The following DCBLD2 variants were observed in gnomAD, a reference collection of about 807,000 sequenced individuals.
DCBLD2 encodes discoidin, CUB and LCCL domain containing 2.
DCBLD2 carries 54 observed loss-of-function variants against 86.8 expected under a neutral mutation model. The observed-to-expected ratio is 0.62, with a 90% CI of 0.50 to 0.78. The LOEUF (loss-of-function observed/expected upper bound fraction) is 0.78, where lower values mean the gene tolerates loss of function less well. Among genes scored for constraint, DCBLD2 ranks in the 30% least tolerant of loss-of-function variants. The pLI is 0.00. For synonymous variants in DCBLD2, 354 were observed against 341.3 expected (o/e 1.04, Z -0.41); for missense variants, 908 against 954.2 (o/e 0.95, Z 0.64).
At position 98,886,805 on chromosome 3, in the gene DCBLD2, C is replaced by CAA. The variant is rs1455372101; in HGVS notation, c.206-5039_206-5038insTT. On this transcript the variant is annotated intron_variant, in intron 1 of 15. Coordinates refer to ENST00000326840, the MANE Select transcript of DCBLD2 (RefSeq NM_080927.4). Reference sequence around the variant, plus strand: ...TTTGATATTATTACAGGAAAACCCCCCCCCTTTTTTTTTTTTTTTTACTAC... The same window carrying CAA: ...TTTGATATTATTACAGGAAAACCCCCAACCCCTTTTTTTTTTTTTTTTACTAC... 5.8e-5 allele frequency among the ~76,000 whole-genome samples: 8 copies of CAA among 137,920 alleles called. 1 individual carries two copies. The highest frequency in any genetic ancestry group is 5.4e-5 in the African/African-American group (2 of 37,228). The allele number at this position is 137,920 out of a possible 152,430, so 90.5% of individuals were successfully genotyped here.
chr3:98,831,438 T>C (rs983216799), intron 3 of DCBLD2, among the ~76,000 whole-genome samples: 4 of 152,168 alleles, frequency 2.6e-5, no homozygotes, highest in African/African-American at 9.7e-5. Context: ...CTTTTGAATG[T>C]TTTTCTGCGT....
intron 2 of DCBLD2, among the ~76,000 whole-genome samples, chr3:98,860,951 C>T (rs1943031168): frequency 6.6e-6 from 1 of 152,158 alleles, no homozygotes; most frequent in South Asian, 2.1e-4. Flanking sequence ...AGAGTCGAGA[C>T]TCATCAGTGT....
At chr3:98,815,082 A>G (rs1285501586) in intron 9 of DCBLD2, 1 of 152,212 alleles carries the variant, frequency 6.6e-6, no homozygotes, top group African/African-American at 2.4e-5. Context: ...AGAGATTAGG[A>G]GAGAAGAGAG....
intron 2 of DCBLD2, among the ~76,000 whole-genome samples, chr3:98,867,317 T>C (rs1943167470): frequency 6.6e-6 from 1 of 152,226 alleles, no homozygotes. Flanking sequence ...ATTTTCACGA[T>C]ATTGATTCTT....
Position 98,822,755 on chromosome 3 carries a change from A to G in DCBLD2, c.624-14T>C, listed in dbSNP as rs974493788. On this transcript the variant is annotated splice_polypyrimidine_tract_variant and intron_variant, in intron 4 of 15. Transcript: ENST00000326840. ...GGGCAGTACTTACTGAGAAATGAAA[A>G]CAAGCAAAAGGTTACATAATGCTGT... 5.1e-6 allele frequency: 8 copies of G among 1,575,404 alleles called. No homozygotes were observed. The highest frequency in any genetic ancestry group is 3.3e-4 in the Middle Eastern group (2 of 6,006).
chr3:98,819,830 T>A (rs561323714), intron 7 of DCBLD2, among the ~76,000 whole-genome samples: 1 of 152,300 alleles, frequency 6.6e-6, no homozygotes, highest in East Asian at 1.9e-4. Context: ...TTGTAAACAG[T>A]ACATTATAAA....
chr3:98,884,743 T>C (rs934173114), intron 1 of DCBLD2, among the ~76,000 whole-genome samples: 6 of 152,082 alleles, frequency 3.9e-5, no homozygotes, highest in South Asian at 2.1e-4. Flanking sequence ...CTTTAGTAAA[T>C]AGAAAACAAA....
intron 3 of DCBLD2, among the ~76,000 whole-genome samples, chr3:98,844,993 G>A (rs539275091): frequency 1.3e-5 from 2 of 152,256 alleles, no homozygotes; most frequent in Non-Finnish European, 1.5e-5. Context: ...CTGCTTCTGT[G>A]GAACAGTTGA....
chr3:98,889,242 T>C (rs957792145), intron 1 of DCBLD2, among the ~76,000 whole-genome samples: 1 of 151,804 alleles, frequency 6.6e-6, no homozygotes, highest in African/African-American at 2.4e-5. Flanking sequence ...AGGAGATGAG[T>C]GTCATCAGAT....
At chr3:98,857,952 C>A (rs1321388408) in intron 2 of DCBLD2, among the ~76,000 whole-genome samples, 2 of 152,278 alleles carry the variant, frequency 1.3e-5, no homozygotes, top group Non-Finnish European at 2.9e-5. Flanking sequence ...AGCTGCCTGC[C>A]AGTCCCGCGC....
chr3:98,874,874 T>C (rs1250345965), intron 2 of DCBLD2, among the ~76,000 whole-genome samples: 1 of 152,196 alleles, frequency 6.6e-6, no homozygotes, highest in Non-Finnish European at 1.5e-5. Flanking sequence ...GCTTGGCATC[T>C]TGATGTGGGA....
intron 1 of DCBLD2, among the ~76,000 whole-genome samples, chr3:98,882,890 A>G (rs1486186047): frequency 1.3e-5 from 2 of 152,202 alleles, no homozygotes; most frequent in Non-Finnish European, 2.9e-5. Context: ...ATATGTGTGC[A>G]TGTGTTTTTA....
rs1941609253 is a variant in DCBLD2 at position 98,796,836 on chromosome 3, T to C, written c.*2536A>G. ...TTTTATGAAACCTGTAATGGCCACA[T>C]TTGTTGTGTCTCCGATGTATTTCTA... On this transcript the variant is annotated 3_prime_UTR_variant, in exon 16 of 16. Coordinates refer to ENST00000326840, the MANE Select transcript of DCBLD2 (RefSeq NM_080927.4). The C allele has an allele frequency of 6.6e-6, 1 of 152,552 alleles. No individual in the cohort carries two copies. The highest frequency in any genetic ancestry group is 2.4e-5 in the African/African-American group (1 of 41,436). The allele number at this position is 152,552 out of a possible 1,614,324, so 9.4% of individuals were successfully genotyped here.
intron 1 of DCBLD2, chr3:98,900,910 G>A: frequency 5.1e-6 from 4 of 779,074 alleles, no homozygotes; most frequent in Non-Finnish European, 7.9e-6. Context: ...AAAAATAAAT[G>A]GCCTTGCCAA....
At chr3:98,831,200 G>A (rs190625519) in intron 3 of DCBLD2, among the ~76,000 whole-genome samples, 212 of 148,342 alleles carry the variant, frequency 1.4e-3, no homozygotes, top group African/African-American at 4.5e-3. Context: ...CCACCATGCT[G>A]AGCTAATTTT....
chr3:98,819,828 A>G (rs1230819439), intron 7 of DCBLD2, among the ~76,000 whole-genome samples: 1 of 152,184 alleles, frequency 6.6e-6, no homozygotes, highest in Non-Finnish European at 1.5e-5. Context: ...TATTGTAAAC[A>G]GTACATTATA....
chr3:98,842,979 T>C (rs1942648761), intron 3 of DCBLD2, among the ~76,000 whole-genome samples: 1 of 150,332 alleles, frequency 6.7e-6, no homozygotes, highest in Non-Finnish European at 1.5e-5. Context: ...ATTAAAAACA[T>C]AGAAAACATT....
In DCBLD2 at chr3:98,817,806, C is replaced by T; in HGVS notation, c.1175G>A (p.Trp392Ter). 1 of 1,613,684 alleles carries T rather than the reference C, an allele frequency of 6.2e-7. No homozygotes were observed. The highest frequency in any genetic ancestry group is 8.5e-7 in the Non-Finnish European group (1 of 1,179,726). The change falls in exon 9 of 16, where the codon TGG becomes TAG. Residue 392 changes from tryptophan to a stop codon, truncating the protein, a stop_gained. Transcript: ENST00000326840. LOFTEE classifies it high-confidence loss of function. ...CACACCAGGCTCTCTGTACACAGTCCATTTCTGCCCATCATCACTGTACAG... is the reference window on the plus strand; with the variant it reads ...CACACCAGGCTCTCTGTACACAGTCTATTTCTGCCCATCATCACTGTACAG... Reference protein sequence around the residue: ...RILYSDDGQKWTVYREPGVEQ... With the variant: ...RILYSDDGQK
chr3:98,877,151 T>C (rs186041305), intron 2 of DCBLD2, among the ~76,000 whole-genome samples: 86 of 152,202 alleles, frequency 5.7e-4, no homozygotes, highest in Admixed American at 1.0e-3. Context: ...ATGTTTAACA[T>C]ATTCAACAAA....
Sources: allele counts gnomAD v4.1 joint callset (sites outside exome capture counted in the v4.1 genomes callset), GRCh38; gene constraint gnomAD v4.1.1; transcripts MANE v1.5; gene names NCBI Gene and HGNC (gene_info 2026-07-23, HGNC 2026-07-21).